CAMK2D: variants seen among roughly 807,000 people sequenced by gnomAD.
CAMK2D encodes the protein calcium/calmodulin dependent protein kinase II delta.
In CAMK2D, 37 loss-of-function variants were observed where a neutral mutation model predicts 84.0. That is an observed-to-expected ratio of 0.44 (90% CI 0.34 to 0.58). CAMK2D has a LOEUF of 0.58. CAMK2D is among the 20% of genes least tolerant of loss of function. CAMK2D has a pLI of 0.02. For missense variants in CAMK2D, 448 were observed against 652.5 expected (o/e 0.69, Z 3.41); for synonymous variants, 202 against 212.5 (o/e 0.95, Z 0.43).
rs1278144540 is a variant in CAMK2D at position 113,517,664 on chromosome 4, G to A, written c.602-7C>T. ...AGAATATAGAGAATGACACCTGGAG[G>A]AGAATATAATGTTAACACAATTTAA... On this transcript the variant is annotated splice_polypyrimidine_tract_variant and splice_region_variant and intron_variant, in intron 8 of 20. Coordinates refer to ENST00000511664, the MANE Select transcript of CAMK2D (RefSeq NM_001321571.2). 15 of 1,352,050 alleles carry A rather than the reference G, an allele frequency of 1.1e-5. No homozygotes were observed. Among genetic ancestry groups the A allele is most frequent in the African/African-American group, 1.4e-5 (1 of 69,390 alleles). 83.8% of individuals were successfully genotyped at this position (1,352,050 alleles called of 1,614,324 possible).
At chr4:113,465,331 CCTCTGAAATCTTTT>C (rs2097444713) in intron 17 of CAMK2D, among the ~76,000 whole-genome samples, 184 bp downstream of exon 17, 1 of 152,258 alleles carries the variant, frequency 6.6e-6, no homozygotes, top group East Asian at 1.9e-4. Flanking sequence ...CTGTGCCTGG[CCTCTGAAATCTTTT>C]CTCTGAAATT....
At chr4:113,712,177 T>C (rs77101916) in intron 2 of CAMK2D, among the ~76,000 whole-genome samples, 6,531 of 152,246 alleles carry the variant, frequency 0.043, 151 homozygotes, top group Non-Finnish European at 0.052. Context: ...TGTGAATGTA[T>C]CACCTATTGA....
chr4:113,748,934 A>T (rs1490860615), intron 2 of CAMK2D, among the ~76,000 whole-genome samples: 4 of 151,890 alleles, frequency 2.6e-5, no homozygotes, highest in African/African-American at 9.7e-5. Flanking sequence ...TCTATACCTA[A>T]CAAATATTAA....
intron 3 of CAMK2D, among the ~76,000 whole-genome samples, chr4:113,657,096 C>T (rs2099204557): frequency 6.6e-6 from 1 of 152,172 alleles, no homozygotes; most frequent in East Asian, 1.9e-4. Context: ...CTGACCCCCT[C>T]ACTCTGCTCC....
intron 4 of CAMK2D, among the ~76,000 whole-genome samples, chr4:113,585,308 G>T (rs2098828700): frequency 6.6e-6 from 1 of 152,138 alleles, no homozygotes. Context: ...AGGAATTTCA[G>T]ATTTGCAGTT....
At position 113,453,983 on chromosome 4, in the gene CAMK2D, T is replaced by A. The variant is rs1399906460; in HGVS notation, c.*562A>T. ...ACTTTCATAAGTGATTTTGCCCACA[T>A]ATCATCCCACTTTAATTGTTAATCA... On this transcript the variant is annotated 3_prime_UTR_variant, in exon 21 of 21. Coordinates refer to ENST00000511664, the MANE Select transcript of CAMK2D (RefSeq NM_001321571.2). 6.6e-6 allele frequency: 1 copy of A among 151,930 alleles called. No homozygotes were observed. The allele number at this position is 151,930 out of a possible 1,614,324, so 9.4% of individuals were successfully genotyped here.
intron 2 of CAMK2D, among the ~76,000 whole-genome samples, chr4:113,690,449 TC>T (rs1403351452): frequency 6.6e-6 from 1 of 152,102 alleles, no homozygotes; most frequent in Non-Finnish European, 1.5e-5. Flanking sequence ...GGCACAAAGG[TC>T]CCCCTGAGCA....
chr4:113,729,973 G>A (rs1315007649), intron 2 of CAMK2D, among the ~76,000 whole-genome samples: 1 of 152,124 alleles, frequency 6.6e-6, no homozygotes, highest in Non-Finnish European at 1.5e-5. Context: ...AAGCCACCCA[G>A]TCTATGGCAT....
chr4:113,560,000 G>A lies in CAMK2D; in HGVS notation c.276-7904C>T, dbSNP rs145277652. ...AACATTGGGGGTTTCAAAGATGTCAGACAAGAAGAGATTCTATCATTTATC... is the reference window on the plus strand; with the variant it reads ...AACATTGGGGGTTTCAAAGATGTCAAACAAGAAGAGATTCTATCATTTATC... On this transcript the variant is annotated intron_variant, in intron 4 of 20. Transcript: ENST00000511664. Among the ~76,000 whole-genome samples the A allele has an allele frequency of 1.9e-4, 29 of 152,270 alleles. No individual in the cohort carries two copies. The East Asian group carries it at 5.6e-3, about 29-fold the overall frequency.
chr4:113,646,453 C>G (rs574472750), intron 3 of CAMK2D, among the ~76,000 whole-genome samples: 11 of 152,064 alleles, frequency 7.2e-5, no homozygotes, highest in Non-Finnish European at 1.5e-4. Flanking sequence ...AAGAAGGATG[C>G]TAGGGAGTGC....
intron 2 of CAMK2D, among the ~76,000 whole-genome samples, chr4:113,718,295 T>C (rs1290515628): frequency 6.6e-6 from 1 of 152,042 alleles, no homozygotes; most frequent in Non-Finnish European, 1.5e-5. Context: ...ATTTGGTAGG[T>C]AGGGTGTCAG....
intron 16 of CAMK2D, among the ~76,000 whole-genome samples, chr4:113,498,612 A>G (rs1306200901): frequency 6.6e-6 from 1 of 152,226 alleles, no homozygotes; most frequent in Non-Finnish European, 1.5e-5. Context: ...TTCCTCTAAT[A>G]CTTGTATACA....
At chr4:113,759,198 T>C (rs1050652514) in intron 2 of CAMK2D, 122 bp downstream of exon 2, 7 of 539,810 alleles carry the variant, frequency 1.3e-5, no homozygotes, top group Non-Finnish European at 2.3e-5. Context: ...AATCTTAATA[T>C]ATAATATGAT....
At chr4:113,509,911 T>C (rs992677173) in intron 12 of CAMK2D, among the ~76,000 whole-genome samples, 8 of 152,208 alleles carry the variant, frequency 5.3e-5, no homozygotes, top group African/African-American at 1.9e-4. Context: ...TTGCATACAA[T>C]TGAATACTTT....
At chr4:113,682,008 T>A (rs1222174746) in intron 2 of CAMK2D, among the ~76,000 whole-genome samples, 1 of 152,174 alleles carries the variant, frequency 6.6e-6, no homozygotes, top group African/African-American at 2.4e-5. Flanking sequence ...AAGCATGGGA[T>A]ACAGGAGCAG....
At chr4:113,466,605 G>A (rs952529087) in intron 16 of CAMK2D, among the ~76,000 whole-genome samples, 6 of 152,154 alleles carry the variant, frequency 3.9e-5, no homozygotes, top group Non-Finnish European at 8.8e-5. Flanking sequence ...CAATACTGTA[G>A]ATGTAGGCAG....
At chr4:113,508,088 A>C (rs1234304271) in intron 13 of CAMK2D, 1 of 620,274 alleles carries the variant, frequency 1.6e-6, no homozygotes, top group Non-Finnish European at 3.0e-6. Flanking sequence ...AATATGTAAG[A>C]GAAGTACCGT....
chr4:113,516,290 A>G (rs1333265349), intron 9 of CAMK2D, among the ~76,000 whole-genome samples: 1 of 152,178 alleles, frequency 6.6e-6, no homozygotes, highest in Non-Finnish European at 1.5e-5. Context: ...CTTGCTAACT[A>G]TTAGGAGCTG....
Position 113,615,194 on chromosome 4 carries a change from A to C in CAMK2D, c.221-5988T>G, listed in dbSNP as rs966245096. On this transcript the variant is annotated intron_variant, in intron 3 of 20. Transcript: ENST00000511664. The stretch of plus-strand genomic sequence containing the variant: ...TCATAGCTAAAACAAGCACTAGCCA[A>C]GTTAGGCCATCTAACACGCCAAGTC... Among the ~76,000 whole-genome samples, 6 of 152,202 alleles carry C rather than the reference A, an allele frequency of 3.9e-5. 1 individual carries two copies. Among genetic ancestry groups the C allele is most frequent in the Admixed American group, 3.9e-4 (6 of 15,264 alleles).
Sources: allele counts gnomAD v4.1 joint callset (sites outside exome capture counted in the v4.1 genomes callset), GRCh38; gene constraint gnomAD v4.1.1; transcripts MANE v1.5; gene names NCBI Gene and HGNC (gene_info 2026-07-23, HGNC 2026-07-21).